The following CDH13 variants were observed in gnomAD, a reference collection of about 807,000 sequenced individuals.
CDH13 encodes cadherin 13, also known as cadherin-13.
A neutral mutation model predicts 63.8 loss-of-function variants in CDH13; 24 were observed. That is an observed-to-expected ratio of 0.38 (90% CI 0.27 to 0.53). The LOEUF (loss-of-function observed/expected upper bound fraction) is 0.53, where lower values mean the gene tolerates loss of function less well. Ranked by LOEUF, CDH13 falls within the 20% of genes least tolerant of loss-of-function variation. The probability of loss-of-function intolerance (pLI) is 0.85; values close to 1 mark genes in which losing one functional copy is unlikely to be tolerated. For synonymous variants in CDH13, 503 were observed against 355.3 expected (o/e 1.42, Z -4.67); for missense variants, 1,049 against 903.1 (o/e 1.16, Z -2.07).
At chr16:83,163,218 C>A (rs1454188315) in intron 4 of CDH13, among the ~76,000 whole-genome samples, 3 of 152,106 alleles carry the variant, frequency 2.0e-5, no homozygotes, top group Admixed American at 1.3e-4. Context: ...TCCAATAAAC[C>A]TTTATTTTTG....
intron 3 of CDH13, among the ~76,000 whole-genome samples, chr16:83,069,141 G>C (rs567983152): frequency 8.0e-4 from 121 of 152,160 alleles, no homozygotes; most frequent in African/African-American, 2.9e-3. Context: ...TGTACATCTT[G>C]AATTATTTGT....
intron 6 of CDH13, among the ~76,000 whole-genome samples, chr16:83,433,784 C>T (rs2072200885): frequency 6.6e-6 from 1 of 152,190 alleles, no homozygotes; most frequent in Non-Finnish European, 1.5e-5. Context: ...TATGCAAGAA[C>T]CGTGCAGCAG....
chr16:83,783,408 C>T lies in CDH13; in HGVS notation c.2070C>T (p.Asn690=), dbSNP rs374049780. 4.3e-5 allele frequency: 69 copies of T among 1,614,016 alleles called. 1 individual carries two copies. Among genetic ancestry groups the T allele is most frequent in the South Asian group, 2.2e-4 (20 of 91,088 alleles). ...GCAGGAATTCCAAAGTGGACTGCAA[C>T]GCGGCAGGGGCCCTGCGCTTCAGCC... ...CSCRNSKVDC[N]AAGALRFSLP... Residue 690 remains asparagine, a synonymous_variant, in exon 13 of 14, where the codon AAC becomes AAT. Transcript: ENST00000567109.
chr16:83,217,186 A>T (rs1036595661), intron 4 of CDH13, among the ~76,000 whole-genome samples, 159 bp from the exon 5 acceptor site: 1 of 152,172 alleles, frequency 6.6e-6, no homozygotes, highest in Non-Finnish European at 1.5e-5. Context: ...TTAGGCAGTG[A>T]TGCTATTTCT....
intron 2 of CDH13, 119 bp from the exon 3 acceptor site, chr16:83,031,891 A>G (rs1169393740): frequency 9.0e-6 from 7 of 779,584 alleles, no homozygotes; most frequent in South Asian, 1.8e-5. Flanking sequence ...AAAACGTAAC[A>G]TTTGTGAACT....
At chr16:83,321,248 T>C (rs2090217227) in intron 5 of CDH13, among the ~76,000 whole-genome samples, 1 of 152,212 alleles carries the variant, frequency 6.6e-6, no homozygotes, top group South Asian at 2.1e-4. Context: ...CTGGAATTAG[T>C]GTCTCAAGTT....
In CDH13 at chr16:82,717,398, T is replaced by G. The variant is rs900103240; in HGVS notation, c.45+90261T>G. Among the ~76,000 whole-genome samples, 7 of 143,540 alleles carry G rather than the reference T, an allele frequency of 4.9e-5. No homozygotes were observed. In the Admixed American group the frequency reaches 5.0e-4, roughly 10 times the overall value. 94.2% of individuals were successfully genotyped at this position (143,540 alleles called of 152,430 possible). ...TTGCAGTGGATTGAGATCACACCAC[T>G]GCACTCCAGCCTGGGCGACAGAGTG... On this transcript the variant is annotated intron_variant, in intron 1 of 13. Transcript: ENST00000567109.
chr16:82,649,298 G>T (rs1048982675), intron 1 of CDH13, among the ~76,000 whole-genome samples: 1 of 152,124 alleles, frequency 6.6e-6, no homozygotes, highest in Non-Finnish European at 1.5e-5. Flanking sequence ...ATGGATGGAA[G>T]GATGAATGCA....
intron 2 of CDH13, among the ~76,000 whole-genome samples, chr16:82,918,376 C>G (rs1181723108): frequency 3.3e-5 from 5 of 151,950 alleles, no homozygotes; most frequent in Non-Finnish European, 5.9e-5. Context: ...TTTGAGACAT[C>G]CTGAAGATGA....
intron 1 of CDH13, among the ~76,000 whole-genome samples, chr16:82,858,122 G>C (rs1173997423): frequency 2.6e-5 from 4 of 152,156 alleles, no homozygotes; most frequent in Non-Finnish European, 4.4e-5. Context: ...AAAATCTGAC[G>C]AAGTTATTTC....
chr16:83,129,489 T>C (rs16959303), intron 4 of CDH13, among the ~76,000 whole-genome samples: 54,866 of 152,034 alleles, frequency 0.36, 11,774 homozygotes, highest in Admixed American at 0.49. Context: ...AGCTTGTTTA[T>C]GAAGCCAGCT....
chr16:83,655,868 G>C (rs549280845), intron 8 of CDH13, among the ~76,000 whole-genome samples: 58 of 152,302 alleles, frequency 3.8e-4, no homozygotes, highest in African/African-American at 1.2e-3. Context: ...AAGTGGCAGG[G>C]GGGAAAACAG....
At chr16:83,301,130 C>T (rs549447049) in intron 5 of CDH13, among the ~76,000 whole-genome samples, 274 of 133,496 alleles carry the variant, frequency 2.1e-3, no homozygotes, top group African/African-American at 5.7e-3. Flanking sequence ...CTCCGGGGTT[C>T]GAGCCATTCT....
At chr16:83,331,963 A>C (rs953873561) in intron 5 of CDH13, among the ~76,000 whole-genome samples, 20 of 152,120 alleles carry the variant, frequency 1.3e-4, no homozygotes, top group Admixed American at 8.5e-4. Context: ...TATCAGGCTA[A>C]ATTTCTACAA....
chr16:83,321,705 T>G (rs1048458884), intron 5 of CDH13, among the ~76,000 whole-genome samples: 7 of 152,066 alleles, frequency 4.6e-5, no homozygotes, highest in Non-Finnish European at 8.8e-5. Flanking sequence ...ATTTTTTGTA[T>G]TTTTAGTAGA....
chr16:82,911,095 T>A (rs943045831), intron 2 of CDH13, among the ~76,000 whole-genome samples: 2 of 152,136 alleles, frequency 1.3e-5, no homozygotes, highest in African/African-American at 2.4e-5. Flanking sequence ...CCCTAGATCG[T>A]AAGTTGATGG....
chr16:82,869,095 G>A (rs939965902), intron 2 of CDH13, among the ~76,000 whole-genome samples: 1 of 152,172 alleles, frequency 6.6e-6, no homozygotes, highest in Admixed American at 6.5e-5. Context: ...TACCCAGGCT[G>A]GAGTGCAGTG....
chr16:83,041,421 C>A (rs1240646771), intron 3 of CDH13, among the ~76,000 whole-genome samples: 5 of 151,996 alleles, frequency 3.3e-5, no homozygotes, highest in Non-Finnish European at 7.4e-5. Flanking sequence ...AAGGAGCAAT[C>A]AGTAGAAGGA....
chr16:83,002,654 G>A (rs530623453), intron 2 of CDH13, among the ~76,000 whole-genome samples: 15 of 152,284 alleles, frequency 9.9e-5, no homozygotes, highest in Admixed American at 7.8e-4. Flanking sequence ...ACACAGTAAC[G>A]AAGCAGAATA....
Sources: gnomAD v4.1 joint callset for allele counts (sites outside exome capture counted in the v4.1 genomes callset) on GRCh38, gnomAD v4.1.1 for gene constraint, MANE v1.5 for transcripts, NCBI Gene and HGNC (gene_info 2026-07-23, HGNC 2026-07-21) for gene names.